Variants in KCNMB1 observed in about 807,000 individuals in gnomAD.
KCNMB1 encodes the protein potassium calcium-activated channel subfamily M regulatory beta subunit 1.
In KCNMB1, 22 loss-of-function variants were observed where a neutral mutation model predicts 21.7. The observed-to-expected ratio is 1.01, with a 90% confidence interval of 0.72 to 1.45. The LOEUF is 1.45. KCNMB1 is among the 40% of genes most tolerant of loss of function. KCNMB1 has a pLI of 0.00. For missense variants in KCNMB1, 243 were observed against 243.4 expected, an observed-to-expected ratio of 1.00 and a Z score of 0.01; for synonymous variants, 114 against 107.6, an observed-to-expected ratio of 1.06 and a Z score of -0.37.
At chr5:170,382,623 C>G (rs1764287563) in intron 3 of KCNMB1, 1 of 152,498 alleles carries the variant, frequency 6.6e-6, no homozygotes, top group South Asian at 2.1e-4. Flanking sequence ...CCTGCGCCTG[C>G]CTGATGTTAA....
Position 170,377,290 on chromosome 5 carries a change from G to A in KCNMB1, c.*1414C>T, listed in dbSNP as rs1004083716. ...TACCCCCACCCCGTGCAGGGCTTCT[G>A]GCGTGGTGGGGCTGGGACAGGGGCC... On this transcript the variant is annotated 3_prime_UTR_variant, in exon 4 of 4. Coordinates refer to ENST00000274629, the MANE Select transcript of KCNMB1 (RefSeq NM_004137.4). 1 of 152,280 alleles carries A rather than the reference G, an allele frequency of 6.6e-6. No individual in the cohort carries two copies. The highest frequency in any genetic ancestry group is 1.5e-5 in the Non-Finnish European group (1 of 68,110). 9.4% of individuals were successfully genotyped at this position (152,280 alleles called of 1,614,324 possible).
intron 3 of KCNMB1, 68 bp downstream of exon 3, chr5:170,383,611 C>G (rs765972986): frequency 6.4e-7 from 1 of 1,554,314 alleles, no homozygotes; most frequent in Non-Finnish European, 8.9e-7. Context: ...GGGACAGGGA[C>G]AGTTAGGAAC....
rs1481070539 is a variant in KCNMB1 at position 170,376,975 on chromosome 5, C to T, written c.*1729G>A. 1 of 152,160 alleles carries T rather than the reference C, an allele frequency of 6.6e-6. No homozygotes were observed. The allele number at this position is 152,160 out of a possible 1,614,324, so 9.4% of individuals were successfully genotyped here. ...ACATTCCTTCAGCCCTCCCAACTATCCAGAAAGAGTCCTTCTTTTATAGAT... is the reference window on the plus strand; with the variant it reads ...ACATTCCTTCAGCCCTCCCAACTATTCAGAAAGAGTCCTTCTTTTATAGAT... On this transcript the variant is annotated 3_prime_UTR_variant, in exon 4 of 4. Transcript: ENST00000274629.
At chr5:170,388,012 T>A (rs746991745) in intron 1 of KCNMB1, among the ~76,000 whole-genome samples, 11 of 148,198 alleles carry the variant, frequency 7.4e-5, no homozygotes, top group Non-Finnish European at 1.5e-4. Context: ...CCTTCCTGGC[T>A]AATCAGCCCC....
At chr5:170,385,519 T>C in intron 1 of KCNMB1, 48 bp from the exon 2 acceptor site, 1 of 1,562,220 alleles carries the variant, frequency 6.4e-7, no homozygotes, top group Non-Finnish European at 8.8e-7. Flanking sequence ...AGTTCACAGG[T>C]GATCCACAGA....
At chr5:170,384,950 G>C (rs1764405099) in intron 2 of KCNMB1, among the ~76,000 whole-genome samples, 1 of 152,250 alleles carries the variant, frequency 6.6e-6, no homozygotes, top group Non-Finnish European at 1.5e-5. Flanking sequence ...TCAGAGGGGA[G>C]AGAATTATGC....
Position 170,378,842 on chromosome 5 carries a change from G to A in KCNMB1, c.438C>T (p.Val146=), listed in dbSNP as rs1468408716. The change falls in exon 4 of 4, where the codon GTC becomes GTT. Residue 146 remains valine (V), a synonymous_variant. Coordinates refer to ENST00000274629, the MANE Select transcript of KCNMB1 (RefSeq NM_004137.4). ...FSAPRGNETS[V]LFQRLYGPQA... Reference sequence around the variant, plus strand: ...GGGGCCCGTAGAGGCGCTGGAATAGGACGCTGGTTTCGTTCCCCCGAGGTG... The same window carrying A: ...GGGGCCCGTAGAGGCGCTGGAATAGAACGCTGGTTTCGTTCCCCCGAGGTG... The A allele has an allele frequency of 6.2e-7, 1 of 1,614,270 alleles. No homozygotes were observed.
chr5:170,383,650 G>A (rs758481386), intron 3 of KCNMB1, 29 bp downstream of exon 3: 13 of 1,612,242 alleles, frequency 8.1e-6, no homozygotes, highest in Non-Finnish European at 1.1e-5. Context: ...GGGATAAAGG[G>A]ATGTGTCCCC....
At chr5:170,380,279 C>G (rs891719679) in intron 3 of KCNMB1, among the ~76,000 whole-genome samples, 7 of 152,198 alleles carry the variant, frequency 4.6e-5, no homozygotes, top group Non-Finnish European at 7.3e-5. Flanking sequence ...CAGCAGAATA[C>G]CTACAGGGCC....
intron 3 of KCNMB1, among the ~76,000 whole-genome samples, chr5:170,382,335 T>A (rs1310342689): frequency 1.3e-5 from 2 of 152,216 alleles, no homozygotes; most frequent in African/African-American, 4.8e-5. Context: ...CCTAGTTTTG[T>A]TTTTTAAGAC....
Position 170,383,822 on chromosome 5 carries a change from G to T in KCNMB1, c.163C>A (p.Leu55Met), listed in dbSNP as rs756490465. ...TGGTCCCTGATGTTGGTCTCAATCA[G>T]GTGGCACTTGGATTCCTGGGTCCAC... ...SVWTQESKCH[L>M]IETNIRDQEE... Residue 55 changes from leucine (L) to methionine (M), a missense_variant, in exon 3 of 4, where the codon CTG (leucine) becomes ATG (methionine). Physicochemically the swap from Leu to Met is conservative, Grantham distance 15 (BLOSUM62 2). Transcript: ENST00000274629. The T allele has an allele frequency of 6.2e-7, 1 of 1,614,062 alleles. No homozygotes were observed. The highest frequency in any genetic ancestry group is 1.1e-5 in the South Asian group (1 of 91,060).
chr5:170,384,029 G>T (rs1764365918), intron 2 of KCNMB1, among the ~76,000 whole-genome samples, 179 bp from the exon 3 acceptor site: 1 of 152,208 alleles, frequency 6.6e-6, no homozygotes, highest in Admixed American at 6.5e-5. Flanking sequence ...ACACAGGGAG[G>T]AATTGTAGAA....
chr5:170,378,965 G>A lies in KCNMB1; in HGVS notation c.315C>T (p.Tyr105=), dbSNP rs142049246. ...DTRDQNQQCS[Y]IPGSVDNYQT... is the part of the protein sequence containing the mutation. ...GGTAATTGTCCACGCTGCCTGGGATGTAGGAGCACTGTGGGGAGAAACAAG... is the reference window on the plus strand; with the variant it reads ...GGTAATTGTCCACGCTGCCTGGGATATAGGAGCACTGTGGGGAGAAACAAG... The change falls in exon 4 of 4, where the codon TAC becomes TAT. Residue 105 remains tyrosine, a synonymous_variant. Coordinates refer to ENST00000274629, the MANE Select transcript of KCNMB1 (RefSeq NM_004137.4). 591 of 1,613,846 alleles carry A rather than the reference G, an allele frequency of 3.7e-4. No homozygotes were observed. The highest frequency in any genetic ancestry group is 4.7e-4 in the Non-Finnish European group (558 of 1,179,846).
chr5:170,382,399 C>T (rs1764278383), intron 3 of KCNMB1, among the ~76,000 whole-genome samples: 1 of 152,136 alleles, frequency 6.6e-6, no homozygotes, highest in Admixed American at 6.5e-5. Flanking sequence ...GACATACACA[C>T]TCACATTTTA....
In KCNMB1 at chr5:170,378,722, G is replaced by A; in HGVS notation, c.558C>T (p.Ile186=). 3.1e-6 allele frequency: 5 copies of A among 1,612,526 alleles called. No homozygotes were observed. The highest frequency in any genetic ancestry group is 4.2e-6 in the Non-Finnish European group (5 of 1,179,280). Residue 186 remains isoleucine, a synonymous_variant, in exon 4 of 4, where the codon ATC becomes ATT. Coordinates refer to ENST00000274629, the MANE Select transcript of KCNMB1 (RefSeq NM_004137.4). ...GATGGCTCTACTTCTGGGCCGCCAG[G>A]ATGGACAGGTACTGGTTGCTCTTCA... ...AMVKSNQYLS[I]LAAQK
chr5:170,383,994 A>G, intron 2 of KCNMB1, 144 bp from the exon 3 acceptor site: 1 of 783,534 alleles, frequency 1.3e-6, no homozygotes, highest in Admixed American at 2.6e-5. Context: ...CCAGCAATAA[A>G]GGCACATGAC....
intron 3 of KCNMB1, chr5:170,383,020 GAGGGAAGAA>G: frequency 6.6e-6 from 1 of 152,534 alleles, no homozygotes; most frequent in South Asian, 2.1e-4. Flanking sequence ...AAGAAAGAAG[GAGGGAAGAA>G]AGGGAAAAAA....
At position 170,378,604 on chromosome 5, in the gene KCNMB1, G is replaced by A; in HGVS notation, c.*100C>T. 1 of 1,224,098 alleles carries A rather than the reference G, an allele frequency of 8.2e-7. No individual in the cohort carries two copies. Among genetic ancestry groups the A allele is most frequent in the South Asian group, 1.5e-5 (1 of 68,596 alleles). 75.8% of individuals were successfully genotyped at this position (1,224,098 alleles called of 1,614,324 possible). A position where few individuals can be genotyped will look rare whatever the true frequency, so the allele number is the denominator to read the frequency against. ...CGTGGATTGGACTGGAAGAGTGGGA[G>A]GGCAGGTGGAGAAGGCATTGTGCTG... On this transcript the variant is annotated 3_prime_UTR_variant, in exon 4 of 4. Coordinates refer to ENST00000274629, the MANE Select transcript of KCNMB1 (RefSeq NM_004137.4).
rs1423951322 is a variant in KCNMB1 at position 170,375,180 on chromosome 5, C to T, written c.*3524G>A. ...TTTACGAAATAATACAGAGACATTC[C>T]GTGCCCCCTCTACCTAATGTCCCCA... On this transcript the variant is annotated 3_prime_UTR_variant, in exon 4 of 4. Transcript: ENST00000274629. 4.6e-5 allele frequency: 7 copies of T among 152,276 alleles called. No individual in the cohort carries two copies. Among genetic ancestry groups the T allele is most frequent in the Middle Eastern group, 3.4e-3 (1 of 294 alleles). The allele number at this position is 152,276 out of a possible 1,614,324, so 9.4% of individuals were successfully genotyped here.
Sources: allele counts gnomAD v4.1 joint callset (sites outside exome capture counted in the v4.1 genomes callset), GRCh38; gene constraint gnomAD v4.1.1; transcripts MANE v1.5; gene names NCBI Gene and HGNC (gene_info 2026-07-23, HGNC 2026-07-21).